ABTB3: variants seen among roughly 807,000 people sequenced by gnomAD.
ABTB3 encodes the protein ankyrin repeat- and BTB/POZ domain-containing protein 3.
the ABTB3 span, among the ~76,000 whole-genome samples, chr12:107,488,517 T>C: frequency 6.6e-6 from 1 of 152,102 alleles, no homozygotes; most frequent in Non-Finnish European, 1.5e-5. Context: ...CATTATAAAC[T>C]ATGATTACTA....
the ABTB3 span, among the ~76,000 whole-genome samples, chr12:107,657,007 C>T: frequency 7.8e-4 from 118 of 152,176 alleles, no homozygotes; most frequent in Admixed American, 1.7e-3. Flanking sequence ...CATGCCGCTG[C>T]GCTCCAGCCT....
the ABTB3 span, among the ~76,000 whole-genome samples, chr12:107,482,958 T>A: frequency 1.6e-5 from 1 of 60,770 alleles, no homozygotes; most frequent in South Asian, 6.7e-4. Flanking sequence ...CTTTCTTTCT[T>A]TCTTTCTTTC....
the ABTB3 span, among the ~76,000 whole-genome samples, chr12:107,631,267 C>T: frequency 1.1e-3 from 160 of 152,334 alleles, no homozygotes; most frequent in African/African-American, 3.6e-3. Flanking sequence ...CCTGTTACTG[C>T]AAAGGACATG....
the ABTB3 span, among the ~76,000 whole-genome samples, chr12:107,385,145 C>A: frequency 6.6e-6 from 1 of 152,294 alleles, no homozygotes; most frequent in Non-Finnish European, 1.5e-5. Flanking sequence ...TTCATTCATT[C>A]TTTTTATTGT....
chr12:107,397,037 G>A, the ABTB3 span, among the ~76,000 whole-genome samples: 2 of 152,156 alleles, frequency 1.3e-5, no homozygotes, highest in Non-Finnish European at 2.9e-5. Flanking sequence ...TGATCACTAC[G>A]TGCGCTTGTA....
At chr12:107,478,532 G>T in the ABTB3 span, among the ~76,000 whole-genome samples, 235 of 152,260 alleles carry the variant, frequency 1.5e-3, 3 homozygotes, top group African/African-American at 5.3e-3. Flanking sequence ...TTAAAGAAAA[G>T]AATTAATTAA....
chr12:107,507,956 G>A, the ABTB3 span, among the ~76,000 whole-genome samples: 1 of 152,196 alleles, frequency 6.6e-6, no homozygotes, highest in Non-Finnish European at 1.5e-5. Context: ...CATGAACATT[G>A]TACCTATTCC....
At chr12:107,369,404 T>G in the ABTB3 span, among the ~76,000 whole-genome samples, 1 of 150,786 alleles carries the variant, frequency 6.6e-6, no homozygotes. Context: ...TTTTTTTTTT[T>G]TTTTTCTTTT....
At chr12:107,629,936 C>G in the ABTB3 span, among the ~76,000 whole-genome samples, 6 of 152,100 alleles carry the variant, frequency 3.9e-5, no homozygotes, top group East Asian at 3.9e-4. Context: ...ACAGCAGTCA[C>G]CTGATACGAA....
At chr12:107,450,397 C>T in the ABTB3 span, among the ~76,000 whole-genome samples, 6 of 152,076 alleles carry the variant, frequency 3.9e-5, no homozygotes, top group Non-Finnish European at 8.8e-5. Context: ...CGGGAGCCTT[C>T]AGAATGAAGA....
the ABTB3 span, among the ~76,000 whole-genome samples, chr12:107,531,454 A>AG: frequency 1.3e-5 from 2 of 152,308 alleles, no homozygotes; most frequent in East Asian, 3.9e-4. Flanking sequence ...ATGCTACAGA[A>AG]GGACTCTGGA....
chr12:107,404,325 A>G, the ABTB3 span, among the ~76,000 whole-genome samples: 1 of 152,182 alleles, frequency 6.6e-6, no homozygotes, highest in South Asian at 2.1e-4. Context: ...ATCTGCTGGA[A>G]AGAACTTGCT....
the ABTB3 span, among the ~76,000 whole-genome samples, chr12:107,629,675 C>T: frequency 7.2e-6 from 1 of 138,194 alleles, no homozygotes; most frequent in Admixed American, 8.3e-5. Flanking sequence ...ATGTGAAGAC[C>T]AAATGGCCTG....
chr12:107,387,046 T>G, the ABTB3 span, among the ~76,000 whole-genome samples: 2 of 151,634 alleles, frequency 1.3e-5, no homozygotes, highest in African/African-American at 4.8e-5. Flanking sequence ...GGCGTGATCT[T>G]GGCTCACTGC....
the ABTB3 span, among the ~76,000 whole-genome samples, chr12:107,406,933 G>C: frequency 6.6e-6 from 1 of 152,120 alleles, no homozygotes; most frequent in African/African-American, 2.4e-5. Flanking sequence ...CTTGGGCTCC[G>C]GAGCCAGAGA....
chr12:107,581,374 A>C, the ABTB3 span: 5 of 1,215,286 alleles, frequency 4.1e-6, no homozygotes, highest in Non-Finnish European at 5.2e-6. Context: ...CACCCCTCCA[A>C]TCAGAGCCCC....
the ABTB3 span, among the ~76,000 whole-genome samples, chr12:107,452,368 G>A: frequency 2.6e-5 from 4 of 151,898 alleles, no homozygotes; most frequent in East Asian, 3.9e-4. Context: ...CACCACGCCC[G>A]GCTAATTTTT....
the ABTB3 span, among the ~76,000 whole-genome samples, chr12:107,491,860 G>A: frequency 8.7e-3 from 1,324 of 151,744 alleles, 15 homozygotes; most frequent in African/African-American, 0.03. Flanking sequence ...GAACCCAGGC[G>A]TCAGCCTGTT....
the ABTB3 span, among the ~76,000 whole-genome samples, chr12:107,480,702 A>ATG: frequency 7.4e-3 from 1,122 of 151,422 alleles, 19 homozygotes; most frequent in African/African-American, 0.025. Context: ...ATGCAGAACG[A>ATG]TGTGTGTGTG....
Sources: allele counts gnomAD v4.1 joint callset (sites outside exome capture counted in the v4.1 genomes callset), GRCh38; gene constraint gnomAD v4.1.1; transcripts MANE v1.5; gene names NCBI Gene and HGNC (gene_info 2026-07-23, HGNC 2026-07-21).